The following FGF17 variants were observed in gnomAD, a reference collection of about 807,000 sequenced individuals.
FGF17 encodes the protein fibroblast growth factor 17.
A neutral mutation model predicts 23.5 loss-of-function variants in FGF17; 5 were observed. The ratio of observed to expected loss-of-function variants is 0.21; its 90% CI spans 0.11 to 0.45. FGF17 has a LOEUF of 0.45. FGF17 is among the 20% of genes least tolerant of loss of function. The pLI is 0.99. For missense variants in FGF17, 221 were observed against 306.9 expected (o/e 0.72, Z 2.09); for synonymous variants, 136 against 123.0 (o/e 1.11, Z -0.70).
At chr8:22,045,933 A>C in intron 2 of FGF17, 181 bp from the exon 3 acceptor site, 1 of 1,508,474 alleles carries the variant, frequency 6.6e-7, no homozygotes, top group Non-Finnish European at 8.9e-7. Flanking sequence ...ACGCAAAGCA[A>C]AGAGGTTATG....
At chr8:22,040,955 C>T (rs117406155), upstream of FGF17, among the ~76,000 whole-genome samples, 3,861 of 152,198 alleles carry the variant, frequency 0.025, 67 homozygotes, top group Non-Finnish European at 0.038. Flanking sequence ...CTGAAGGATC[C>T]GCAGGGGGAA....
At chr8:22,040,928 C>G (rs1194846938), upstream of FGF17, among the ~76,000 whole-genome samples, 1 of 152,124 alleles carries the variant, frequency 6.6e-6, no homozygotes, top group African/African-American at 2.4e-5. Flanking sequence ...ATGGGAAGAA[C>G]GCGGAACAGA....
At chr8:22,043,037 C>T (rs1395896898) in intron 1 of FGF17, 74 bp downstream of exon 1, 1 of 1,601,300 alleles carries the variant, frequency 6.2e-7, no homozygotes, top group Non-Finnish European at 8.5e-7. Flanking sequence ...CTTCCCGGGA[C>T]TCCCACGCGT....
At chr8:22,043,304 A>G in intron 2 of FGF17, 123 bp downstream of exon 2, 1 of 963,658 alleles carries the variant, frequency 1.0e-6, no homozygotes, top group Non-Finnish European at 1.6e-6. Flanking sequence ...TGGGTCCAGG[A>G]GGCACTGAGG....
At chr8:22,043,237 G>A in intron 2 of FGF17, 56 bp downstream of exon 2, 1 of 1,558,364 alleles carries the variant, frequency 6.4e-7, no homozygotes, top group Non-Finnish European at 8.8e-7. Context: ...CCTGACCAGG[G>A]CGGGTGCAAG....
chr8:22,042,528 C>T (rs551826671), upstream of FGF17: 18 of 303,524 alleles, frequency 5.9e-5, no homozygotes, highest in East Asian at 8.8e-4. Flanking sequence ...AGTTTGTCTG[C>T]GTCGAGTTTG....
intron 4 of FGF17, among the ~76,000 whole-genome samples, 164 bp from the exon 5 acceptor site, chr8:22,047,792 T>C (rs1322251087): frequency 6.6e-6 from 1 of 152,256 alleles, no homozygotes. Flanking sequence ...TTGGCCACTG[T>C]TGCCTCTCTA....
intron 2 of FGF17, chr8:22,045,703 C>G: frequency 2.7e-6 from 3 of 1,109,060 alleles, no homozygotes; most frequent in Non-Finnish European, 3.3e-6. Flanking sequence ...GGAGCATGTC[C>G]TTGGAGTTCT....
intron 4 of FGF17, 27 bp from the exon 5 acceptor site, chr8:22,047,929 C>A: frequency 6.3e-7 from 1 of 1,586,670 alleles, no homozygotes; most frequent in East Asian, 2.3e-5. Context: ...TGGACAAATG[C>A]CCTTCCTGTC....
intron 4 of FGF17, 80 bp from the exon 5 acceptor site, chr8:22,047,876 G>A (rs1585544558): frequency 4.9e-6 from 7 of 1,434,232 alleles, no homozygotes; most frequent in Non-Finnish European, 5.7e-6. Context: ...CTCCTCAGTC[G>A]TCCAAAATAG....
upstream of FGF17, among the ~76,000 whole-genome samples, chr8:22,039,684 C>T (rs936112510): frequency 6.6e-6 from 1 of 152,036 alleles, no homozygotes; most frequent in East Asian, 1.9e-4. Context: ...GCTGAGATCG[C>T]GCCATTGCAC....
In FGF17 at chr8:22,048,014, C is replaced by T; in HGVS notation, c.416C>T (p.Thr139Met). ...GAGATCGTGCTGGAGAACAACTATA[C>T]GGCCTTCCAGAACGCCCGGCACGAG... ...FTEIVLENNY[T>M]AFQNARHEGW... The change falls in exon 5 of 5, where the codon ACG becomes ATG. Residue 139 changes from threonine to methionine, a missense_variant. Transcript: ENST00000359441. The surrounding 1 kb of genome is among the most constrained non-coding windows in gnomAD (Gnocchi z 6.9). 6.2e-7 allele frequency: 1 copy of T among 1,613,034 alleles called. No individual in the cohort carries two copies. The highest frequency in any genetic ancestry group is 8.5e-7 in the Non-Finnish European group (1 of 1,179,346).
At chr8:22,047,699 A>G (rs1800957574) in intron 4 of FGF17, among the ~76,000 whole-genome samples, 1 of 152,196 alleles carries the variant, frequency 6.6e-6, no homozygotes, top group Admixed American at 6.5e-5. Flanking sequence ...ATCTTCACCT[A>G]CATCTCAGGA....
At chr8:22,047,626 T>C (rs1329361288) in intron 4 of FGF17, among the ~76,000 whole-genome samples, 2 of 152,314 alleles carry the variant, frequency 1.3e-5, no homozygotes, top group East Asian at 3.9e-4. Context: ...ACCCCTCACC[T>C]AGGCTGCATG....
rs79155320 is a variant in FGF17, at chr8:22,047,336, A to G, written c.358-620A>G. 6.9e-4 allele frequency among the ~76,000 whole-genome samples: 105 copies of G among 152,314 alleles called. 2 individuals are homozygous for G. The East Asian group carries it at 0.019, about 27-fold the overall frequency. On this transcript the variant is annotated intron_variant, in intron 4 of 4. Coordinates refer to ENST00000359441, the MANE Select transcript of FGF17 (RefSeq NM_003867.4). ...GCCAGTGGGCTCCAGCTAGCAAGATAGACACTAAGCAGCTGCCCCTGTGAC... is the reference window on the plus strand; with the variant it reads ...GCCAGTGGGCTCCAGCTAGCAAGATGGACACTAAGCAGCTGCCCCTGTGAC...
At chr8:22,046,882 G>T (rs185835384) in intron 4 of FGF17, among the ~76,000 whole-genome samples, 3 of 151,704 alleles carry the variant, frequency 2.0e-5, no homozygotes, top group Admixed American at 2.0e-4. Context: ...CTGGGCTCAA[G>T]CAATCCTCTC....
At chr8:22,045,404 C>A in intron 2 of FGF17, 1 of 989,692 alleles carries the variant, frequency 1.0e-6, no homozygotes, top group Non-Finnish European at 1.2e-6. Context: ...CCCATAGTGC[C>A]CAGCCCCAGC....
Position 22,042,918 on chromosome 8 carries a change from C to A in FGF17, c.-11C>A, listed in dbSNP as rs757163746. ...GGCAGGGGGGCAACCGCCTGAGGAA[C>A]CTCTCCAGCGATGGGAGCCGCCCGC... On this transcript the variant is annotated 5_prime_UTR_variant, in exon 1 of 5. Coordinates refer to ENST00000359441, the MANE Select transcript of FGF17 (RefSeq NM_003867.4). 40 of 1,613,332 alleles carry A rather than the reference C, an allele frequency of 2.5e-5. 1 individual carries two copies. The South Asian group carries it at 4.0e-4, about 16-fold the overall frequency.
chr8:22,040,530 C>A (rs1328026831), upstream of FGF17, among the ~76,000 whole-genome samples: 1 of 152,246 alleles, frequency 6.6e-6, no homozygotes, highest in Non-Finnish European at 1.5e-5. Flanking sequence ...CCAGAGCTAA[C>A]CCCCTGGCTA....
Sources: allele counts gnomAD v4.1 joint callset (sites outside exome capture counted in the v4.1 genomes callset), GRCh38; gene constraint gnomAD v4.1.1; non-coding constraint Gnocchi (gnomAD v3.1); transcripts MANE v1.5; gene names NCBI Gene and HGNC (gene_info 2026-07-23, HGNC 2026-07-21).